Variants in DST observed in about 807,000 individuals in gnomAD.
DST encodes the protein bullous pemphigoid antigen.
Under a neutral mutation model 875.2 loss-of-function variants are expected in DST, and 253 were observed. The ratio of observed to expected loss-of-function variants is 0.29; its 90% CI spans 0.26 to 0.32. DST has a LOEUF of 0.32. Ranked by LOEUF, DST falls within the 10% of genes least tolerant of loss-of-function variation. DST has a pLI of 1.00. For missense variants in DST, 8,287 were observed against 9,111.6 expected (o/e 0.91, Z 3.68); for synonymous variants, 3,124 against 3,197.1 (o/e 0.98, Z 0.77).
chr6:56,687,582 G>C (rs1361602867), intron 9 of DST, among the ~76,000 whole-genome samples: 1 of 152,086 alleles, frequency 6.6e-6, no homozygotes, highest in Non-Finnish European at 1.5e-5. Context: ...GCGTGTAAGA[G>C]GGTATTATAT....
At chr6:56,822,510 G>C (rs1015428403) in intron 4 of DST, among the ~76,000 whole-genome samples, 1 of 152,216 alleles carries the variant, frequency 6.6e-6, no homozygotes, top group Non-Finnish European at 1.5e-5. Context: ...ATTCTTACCT[G>C]AGTACCATGT....
At chr6:56,867,251 T>C (rs1334908641) in intron 3 of DST, among the ~76,000 whole-genome samples, 1 of 152,222 alleles carries the variant, frequency 6.6e-6, no homozygotes, top group Non-Finnish European at 1.5e-5. Context: ...TTATAAAGAA[T>C]ATCTACCTCT....
At chr6:56,651,921 G>A (rs2098978113) in intron 10 of DST, among the ~76,000 whole-genome samples, 1 of 152,164 alleles carries the variant, frequency 6.6e-6, no homozygotes, top group Non-Finnish European at 1.5e-5. Context: ...CAAGTACTAT[G>A]TATTAAGAAA....
intron 22 of DST, among the ~76,000 whole-genome samples, chr6:56,637,185 A>G (rs902378329): frequency 2.0e-5 from 3 of 152,194 alleles, no homozygotes; most frequent in Non-Finnish European, 4.4e-5. Flanking sequence ...AGTCAGTCCT[A>G]AAGTTTAAAT....
At chr6:56,515,039 A>C (rs1425330945) in intron 72 of DST, among the ~76,000 whole-genome samples, 3 of 152,170 alleles carry the variant, frequency 2.0e-5, no homozygotes, top group African/African-American at 7.2e-5. Context: ...CATTTTCTCC[A>C]AACTCAATGG....
chr6:56,524,036 T>A (rs2096752573), intron 69 of DST, among the ~76,000 whole-genome samples: 1 of 152,182 alleles, frequency 6.6e-6, no homozygotes, highest in South Asian at 2.1e-4. Context: ...TATGCTTTTT[T>A]TAATCACTCC....
intron 75 of DST, among the ~76,000 whole-genome samples, chr6:56,507,842 G>A (rs2096371756): frequency 6.6e-6 from 1 of 152,076 alleles, no homozygotes; most frequent in South Asian, 2.1e-4. Context: ...TGCCTCTGAC[G>A]GGGTTTAGGC....
intron 49 of DST, among the ~76,000 whole-genome samples, chr6:56,588,548 T>C (rs6919941): frequency 0.44 from 67,015 of 151,984 alleles, 15,430 homozygotes; most frequent in African/African-American, 0.55. Context: ...TCATCCCTTT[T>C]GGCTTTCTAT....
intron 36 of DST, chr6:56,619,745 G>T (rs78701610): frequency 6.2e-7 from 1 of 1,614,056 alleles, no homozygotes; most frequent in South Asian, 1.1e-5. Context: ...CCCTTTCTCC[G>T]CCTGATCCTT....
chr6:56,930,872 G>A (rs974723743), intron 2 of DST, among the ~76,000 whole-genome samples: 2 of 152,182 alleles, frequency 1.3e-5, no homozygotes, highest in African/African-American at 4.8e-5. Context: ...CCTTTGTCAC[G>A]ATTGCATGAC....
chr6:56,927,387 G>A (rs1807743708), intron 2 of DST, among the ~76,000 whole-genome samples: 1 of 152,140 alleles, frequency 6.6e-6, no homozygotes, highest in South Asian at 2.1e-4. Flanking sequence ...AAAAATGTGG[G>A]AGATCCAAAG....
chr6:56,801,025 GAAAAAA>G (rs34514599), intron 4 of DST, among the ~76,000 whole-genome samples: 2 of 66,966 alleles, frequency 3.0e-5, no homozygotes, highest in South Asian at 5.7e-4. Flanking sequence ...GTCTCAGGGA[GAAAAAA>G]AAAAAAAAAA....
chr6:56,568,411 A>C, intron 55 of DST, 58 bp downstream of exon 55: 1 of 1,537,308 alleles, frequency 6.5e-7, no homozygotes, highest in Non-Finnish European at 8.8e-7. Flanking sequence ...CATACACAAA[A>C]TTGACATGAG....
chr6:56,937,855 T>A (rs888496211), intron 2 of DST, among the ~76,000 whole-genome samples: 1 of 152,134 alleles, frequency 6.6e-6, no homozygotes, highest in Non-Finnish European at 1.5e-5. Flanking sequence ...TACTACAACA[T>A]GGACAAATCT....
At chr6:56,603,805 T>A in intron 40 of DST, 32 bp downstream of exon 40, 2 of 1,591,080 alleles carry the variant, frequency 1.3e-6, no homozygotes, top group Non-Finnish European at 1.7e-6. Flanking sequence ...TTCATGCAGC[T>A]TTTTCTGTAT....
chr6:56,628,289 G>C, intron 32 of DST, 128 bp from the exon 33 acceptor site: 1 of 807,136 alleles, frequency 1.2e-6, no homozygotes, highest in Non-Finnish European at 2.0e-6. Context: ...TATGTATAAA[G>C]AACTCAAGGC....
chr6:56,901,729 A>G (rs1794229183), intron 2 of DST, among the ~76,000 whole-genome samples: 1 of 151,812 alleles, frequency 6.6e-6, no homozygotes, highest in Non-Finnish European at 1.5e-5. Context: ...AGTGCTTAAT[A>G]AAATTGTCAT....
rs770720698 is a variant in DST, at chr6:56,597,693, A to G, written c.12195+47T>C. The stretch of plus-strand genomic sequence containing the variant: ...GTGCTAGGTTATTTCTCTCTTTACC[A>G]ACCTGGAAATAGAATTGAACGATAT... On this transcript the variant is annotated intron_variant, in intron 47 of 103. Coordinates refer to ENST00000680361, the MANE Select transcript of DST (RefSeq NM_001374736.1). The G allele has an allele frequency of 1.9e-6, 3 of 1,563,652 alleles. No individual in the cohort carries two copies. The Admixed American group carries it at 5.3e-5, about 28-fold the overall frequency.
At chr6:56,938,108 C>CTCTCTCTCTCTATATATATA (rs1383243392) in intron 2 of DST, among the ~76,000 whole-genome samples, 10 of 120,724 alleles carry the variant, frequency 8.3e-5, no homozygotes, top group African/African-American at 3.5e-4. Flanking sequence ...CTCTCTCTCT[C>CTCTCTCTCTCTATATATATA]TATATATATA....
Sources: allele counts gnomAD v4.1 joint callset (sites outside exome capture counted in the v4.1 genomes callset), GRCh38; gene constraint gnomAD v4.1.1; transcripts MANE v1.5; gene names NCBI Gene and HGNC (gene_info 2026-07-23, HGNC 2026-07-21).